The following GPC4 variants were observed in gnomAD, a reference collection of about 807,000 sequenced individuals.
GPC4 encodes glypican 4.
A neutral mutation model predicts 35.0 loss-of-function variants in GPC4; 10 were observed. The observed-to-expected ratio is 0.29, with a 90% CI of 0.18 to 0.48. The LOEUF (loss-of-function observed/expected upper bound fraction) is 0.48, where lower values mean the gene tolerates loss of function less well. Ranked by LOEUF, GPC4 falls within the 20% of genes least tolerant of loss-of-function variation. The pLI is 0.99. For missense variants in GPC4, 322 were observed against 451.3 expected, an observed-to-expected ratio of 0.71 and a Z score of 2.60; for synonymous variants, 167 against 170.2, an observed-to-expected ratio of 0.98 and a Z score of 0.15.
intron 1 of GPC4, among the ~76,000 whole-genome samples, chrX:133,408,101 A>T (rs1390127971): frequency 8.9e-6 from 1 of 112,641 alleles, no homozygotes; most frequent in Non-Finnish European, 1.9e-5. Context: ...AATATTTCAA[A>T]TTACCTCCAG....
chrX:133,307,706 G>A (rs1383019425), intron 4 of GPC4, among the ~76,000 whole-genome samples: 9 of 111,666 alleles, frequency 8.1e-5, no homozygotes, highest in Admixed American at 7.6e-4. Flanking sequence ...ACATTCCTTC[G>A]TAAGCTGAGA....
intron 3 of GPC4, among the ~76,000 whole-genome samples, chrX:133,318,604 G>A (rs191477295): frequency 3.6e-4 from 40 of 112,037 alleles, no homozygotes; most frequent in Non-Finnish European, 6.4e-4. Flanking sequence ...TTATGTCAGT[G>A]TTAACTGAAA....
intron 1 of GPC4, among the ~76,000 whole-genome samples, chrX:133,354,447 A>T (rs1044362141): frequency 8.9e-6 from 1 of 112,519 alleles, no homozygotes; most frequent in Admixed American, 9.4e-5. Context: ...AGTGTACTTT[A>T]AAAAGTATCA....
In GPC4 at chrX:133,301,441, A is replaced by G. The variant is rs2068266624; in HGVS notation, c.*1426T>C. The G allele has an allele frequency of 1.8e-5, 2 of 112,811 alleles. No individual in the cohort carries two copies. The highest frequency in any genetic ancestry group is 3.7e-5 in the Non-Finnish European group (2 of 53,394). The allele number at this position is 112,811 out of a possible 1,213,427, so 9.3% of individuals were successfully genotyped here. A position where few individuals can be genotyped will look rare whatever the true frequency, so the allele number is the denominator to read the frequency against. On this transcript the variant is annotated 3_prime_UTR_variant, in exon 9 of 9. Transcript: ENST00000370828. ...TAAGGACACAAGGAAGGGATTCCCA[A>G]GGCAGTTGTTAGTCTTTGGCCTGGG...
chrX:133,385,211 A>G (rs1402926275), intron 1 of GPC4, among the ~76,000 whole-genome samples: 2 of 111,625 alleles, frequency 1.8e-5, no homozygotes, highest in Non-Finnish European at 3.8e-5. Context: ...AGGACTCAGT[A>G]TTGCTTGGGA....
At chrX:133,393,531 T>C (rs773156112) in intron 1 of GPC4, among the ~76,000 whole-genome samples, 1 of 109,585 alleles carries the variant, frequency 9.1e-6, no homozygotes, top group African/African-American at 3.3e-5. Flanking sequence ...CTCTCAGAAC[T>C]AATGCCCTGG....
In GPC4 at chrX:133,308,382, C is replaced by T. The variant is rs148170658; in HGVS notation, c.878-2228G>A. Among the ~76,000 whole-genome samples, 479 of 112,274 alleles carry T rather than the reference C, an allele frequency of 4.3e-3. 3 individuals carry two copies. Among genetic ancestry groups the T allele is most frequent in the African/African-American group, 0.014 (432 of 30,934 alleles). ...GCCCTGAGTCAAATGAGTGTTAACA[C>T]AGCTACAGTATGTGATGGAGAACAA... On this transcript the variant is annotated intron_variant, in intron 4 of 8. Transcript: ENST00000370828.
At chrX:133,403,331 T>C (rs1051704627) in intron 1 of GPC4, among the ~76,000 whole-genome samples, 5 of 111,252 alleles carry the variant, frequency 4.5e-5, no homozygotes, top group African/African-American at 1.3e-4. Context: ...TGCTGGTAGA[T>C]TGGGTTCTGG....
chrX:133,371,929 A>T (rs911432682), intron 1 of GPC4, among the ~76,000 whole-genome samples: 1 of 111,440 alleles, frequency 9.0e-6, no homozygotes, highest in Non-Finnish European at 1.9e-5. Context: ...ACCCTGGGAC[A>T]ACAGCTTAAA....
rs1029005873 is a variant in GPC4, at chrX:133,397,372, G to A, written c.160+17434C>T. Reference sequence around the variant, plus strand: ...CTGGGAGTTCGAGACTGGCCTGGGCGATATGGCAAAACTCCCTCCTACAAA... The same window carrying A: ...CTGGGAGTTCGAGACTGGCCTGGGCAATATGGCAAAACTCCCTCCTACAAA... On this transcript the variant is annotated intron_variant, in intron 1 of 8. Transcript: ENST00000370828. 3.6e-5 allele frequency among the ~76,000 whole-genome samples: 4 copies of A among 110,736 alleles called. No individual in the cohort carries two copies. The East Asian group carries it at 8.6e-4, about 24-fold the overall frequency.
intron 1 of GPC4, among the ~76,000 whole-genome samples, chrX:133,368,492 C>T (rs888036005): frequency 9.0e-6 from 1 of 111,273 alleles, no homozygotes; most frequent in African/African-American, 3.3e-5. Context: ...TAAAATTTAC[C>T]ATTTTTCTAT....
intron 1 of GPC4, among the ~76,000 whole-genome samples, chrX:133,353,838 C>G (rs950013868): frequency 2.7e-5 from 3 of 111,314 alleles, no homozygotes; most frequent in African/African-American, 9.8e-5. Flanking sequence ...TGATCAGGCA[C>G]CAGGGTCTTT....
chrX:133,379,673 T>C (rs1228347662), intron 1 of GPC4, among the ~76,000 whole-genome samples: 1 of 111,713 alleles, frequency 9.0e-6, no homozygotes, highest in Non-Finnish European at 1.9e-5. Flanking sequence ...GAAGTCTTAG[T>C]TCCATTATAT....
rs774707308 is a variant in GPC4 at position 133,357,349 on chromosome X, A to G, written c.161-18008T>C. On this transcript the variant is annotated intron_variant, in intron 1 of 8. Transcript: ENST00000370828. Reference sequence around the variant, plus strand: ...CAGTGAACCAAGATAGCACCACTGCACTCCAGCCTGGGTGACAGAGGAAGA... The same window carrying G: ...CAGTGAACCAAGATAGCACCACTGCGCTCCAGCCTGGGTGACAGAGGAAGA... 7.8e-5 allele frequency among the ~76,000 whole-genome samples: 8 copies of G among 102,538 alleles called. No homozygotes were observed. In the South Asian group the frequency reaches 3.4e-3, roughly 44 times the overall value. 89.0% of individuals were successfully genotyped at this position (102,538 alleles called of 115,157 possible).
intron 1 of GPC4, among the ~76,000 whole-genome samples, chrX:133,396,850 C>T (rs1321891521): frequency 8.9e-6 from 1 of 112,117 alleles, no homozygotes. Context: ...TTGTAATTAA[C>T]ACAATGGTTT....
At chrX:133,338,785 T>A (rs1423183434) in intron 2 of GPC4, among the ~76,000 whole-genome samples, 5 of 111,801 alleles carry the variant, frequency 4.5e-5, no homozygotes, top group Admixed American at 9.5e-5. Flanking sequence ...GGGATCCATT[T>A]TGAAATTTAA....
intron 1 of GPC4, among the ~76,000 whole-genome samples, chrX:133,344,994 A>AT (rs1271432993): frequency 1.8e-5 from 2 of 112,786 alleles, no homozygotes. Context: ...AGAGACTATG[A>AT]TTTTGCATTG....
chrX:133,401,545 A>G (rs1198204573), intron 1 of GPC4, among the ~76,000 whole-genome samples: 1 of 112,308 alleles, frequency 8.9e-6, no homozygotes, highest in East Asian at 2.8e-4. Flanking sequence ...ATCTTTATTC[A>G]GATTACAAGA....
At chrX:133,407,711 G>C (rs2068795544) in intron 1 of GPC4, among the ~76,000 whole-genome samples, 1 of 112,294 alleles carries the variant, frequency 8.9e-6, no homozygotes, top group Non-Finnish European at 1.9e-5. Flanking sequence ...TTTCTAGTTT[G>C]TACCTGGGCC....
Sources: gnomAD v4.1 joint callset for allele counts (sites outside exome capture counted in the v4.1 genomes callset) on GRCh38, gnomAD v4.1.1 for gene constraint, MANE v1.5 for transcripts, NCBI Gene and HGNC (gene_info 2026-07-23, HGNC 2026-07-21) for gene names.